PKIB: variants seen among roughly 807,000 people sequenced by gnomAD.
PKIB encodes the protein cAMP-dependent protein kinase inhibitor beta.
A neutral mutation model predicts 4.5 loss-of-function variants in PKIB; 2 were observed. The ratio of observed to expected loss-of-function variants is 0.44; its 90% confidence interval spans 0.18 to 1.39. The LOEUF (loss-of-function observed/expected upper bound fraction) is 1.39. Ranked by LOEUF, PKIB falls within the 40% of genes most tolerant of loss-of-function variation. PKIB has a pLI of 0.27. For missense variants in PKIB, 94 were observed against 92.6 expected, an observed-to-expected ratio of 1.02 and a Z score of -0.06; for synonymous variants, 38 against 36.0, an observed-to-expected ratio of 1.06 and a Z score of -0.20.
chr6:122,487,307 AAGTT>A (rs1447208197), intron 2 of PKIB, among the ~76,000 whole-genome samples: 2 of 152,092 alleles, frequency 1.3e-5, no homozygotes, highest in Non-Finnish European at 2.9e-5. Flanking sequence ...TGAAGAATGA[AAGTT>A]AGTTAAATTG....
intron 1 of PKIB, among the ~76,000 whole-genome samples, chr6:122,614,883 A>G (rs1208651051): frequency 6.6e-6 from 1 of 152,154 alleles, no homozygotes; most frequent in Non-Finnish European, 1.5e-5. Flanking sequence ...TATATTTTAA[A>G]ATGAAAATAA....
intron 2 of PKIB, among the ~76,000 whole-genome samples, chr6:122,667,566 G>T (rs1158186033): frequency 6.6e-6 from 1 of 151,990 alleles, no homozygotes; most frequent in Non-Finnish European, 1.5e-5. Context: ...AAAAATAAAA[G>T]TTGTAAGTGA....
At chr6:122,523,691 G>A (rs1777014508) in intron 2 of PKIB, among the ~76,000 whole-genome samples, 1 of 152,002 alleles carries the variant, frequency 6.6e-6, no homozygotes, top group African/African-American at 2.4e-5. Context: ...GCTGAGGTAG[G>A]AGAATTGCTT....
At chr6:122,511,618 G>A (rs1246946396) in intron 2 of PKIB, among the ~76,000 whole-genome samples, 2 of 152,178 alleles carry the variant, frequency 1.3e-5, no homozygotes, top group African/African-American at 2.4e-5. Flanking sequence ...CGGGTCAAGA[G>A]TTCTTTAAAA....
intron 2 of PKIB, chr6:122,483,097 G>A (rs1228029171): frequency 6.6e-5 from 10 of 150,746 alleles, no homozygotes; most frequent in Non-Finnish European, 4.5e-5. Flanking sequence ...ACCAGAACGT[G>A]GAGACTATTT....
At chr6:122,644,883 A>C (rs1478800926) in intron 2 of PKIB, 1 of 152,238 alleles carries the variant, frequency 6.6e-6, no homozygotes, top group Non-Finnish European at 1.5e-5. Context: ...CTGCTTTAAA[A>C]ACTAGCAAAA....
At chr6:122,578,125 G>A (rs1773602991) in intron 2 of PKIB, among the ~76,000 whole-genome samples, 1 of 151,888 alleles carries the variant, frequency 6.6e-6, no homozygotes, top group African/African-American at 2.4e-5. Flanking sequence ...TAAATTAGAA[G>A]GAAATGTAGA....
At chr6:122,606,519 C>T (rs977222408), upstream of PKIB, among the ~76,000 whole-genome samples, 1 of 143,430 alleles carries the variant, frequency 7.0e-6, no homozygotes, top group Non-Finnish European at 1.5e-5. Context: ...TTGCAGTGAG[C>T]AGAGATCGCG....
Position 122,725,903 on chromosome 6 carries a change from T to C in PKIB, c.*708T>C, listed in dbSNP as rs1179984694. Reference sequence around the variant, plus strand: ...TACTATCTTCCCTAACTTTGGTCTGTGTATGTGTGTGTGTTTTACTTTAAT... The same window carrying C: ...TACTATCTTCCCTAACTTTGGTCTGCGTATGTGTGTGTGTTTTACTTTAAT... On this transcript the variant is annotated 3_prime_UTR_variant, in exon 5 of 5. Transcript: ENST00000368452. The C allele has an allele frequency of 6.6e-6, 1 of 152,174 alleles. No homozygotes were observed. Among genetic ancestry groups the C allele is most frequent in the African/African-American group, 2.4e-5 (1 of 41,458 alleles). The allele number at this position is 152,174 out of a possible 1,614,324, so 9.4% of individuals were successfully genotyped here.
At chr6:122,698,280 T>C (rs894534519) in intron 3 of PKIB, among the ~76,000 whole-genome samples, 4 of 152,100 alleles carry the variant, frequency 2.6e-5, no homozygotes, top group African/African-American at 9.7e-5. Flanking sequence ...CCTAGCACCA[T>C]GGTTTTGGCA....
chr6:122,609,790 A>G (rs1299332392), upstream of PKIB, among the ~76,000 whole-genome samples: 2 of 152,234 alleles, frequency 1.3e-5, no homozygotes, highest in African/African-American at 4.8e-5. Context: ...TGAGAACCTG[A>G]AAGTGAAACT....
intron 3 of PKIB, among the ~76,000 whole-genome samples, chr6:122,704,732 G>GTA (rs1304317712): frequency 1.3e-5 from 2 of 151,454 alleles, no homozygotes; most frequent in African/African-American, 2.4e-5. Context: ...TAATAACTGT[G>GTA]TGTGTGTGTG....
intron 3 of PKIB, among the ~76,000 whole-genome samples, chr6:122,689,027 C>T (rs751005830): frequency 1.3e-5 from 2 of 151,950 alleles, no homozygotes; most frequent in Non-Finnish European, 2.9e-5. Context: ...GTGACCCGCC[C>T]ACCTCGGCCT....
At chr6:122,547,030 C>T (rs1309232553) in intron 2 of PKIB, among the ~76,000 whole-genome samples, 3 of 152,110 alleles carry the variant, frequency 2.0e-5, no homozygotes, top group African/African-American at 7.3e-5. Context: ...CAGCTTTAGA[C>T]TAGTGAATAA....
intron 2 of PKIB, among the ~76,000 whole-genome samples, chr6:122,516,077 A>C (rs76138045): frequency 6.6e-4 from 100 of 152,314 alleles, no homozygotes; most frequent in African/African-American, 2.4e-3. Flanking sequence ...AAAAGCTATA[A>C]TAACTAATGG....
rs148527232 is a variant in PKIB at position 122,548,311 on chromosome 6, A to G, written c.-247-37610A>G. Reference sequence around the variant, plus strand: ...AGGATTTTAAAAGCTTCTATAATTTAAGCAAGTGTATAGACTATCAGCAGC... The same window carrying G: ...AGGATTTTAAAAGCTTCTATAATTTGAGCAAGTGTATAGACTATCAGCAGC... On this transcript the variant is annotated intron_variant, in intron 2 of 6. Transcript: ENST00000392491. Among the ~76,000 whole-genome samples, 1,272 of 152,302 alleles carry G rather than the reference A, an allele frequency of 8.4e-3. 6 individuals carry two copies. The highest frequency in any genetic ancestry group is 0.014 in the South Asian group (69 of 4,826).
rs78894016 is a variant in PKIB at position 122,706,769 on chromosome 6, A to G, written c.-8-11018A>G. Among the ~76,000 whole-genome samples the G allele has an allele frequency of 1.2e-3, 181 of 152,306 alleles. 4 individuals are homozygous for G. In the East Asian group the frequency reaches 0.019, roughly 16 times the overall value. The stretch of plus-strand genomic sequence containing the variant: ...AACACATGCATATGCCATTTTTCAT[A>G]TCATAAAAATCTTCATTATAGAAAA... On this transcript the variant is annotated intron_variant, in intron 3 of 4. Transcript: ENST00000368452.
intron 2 of PKIB, among the ~76,000 whole-genome samples, chr6:122,659,008 C>A (rs1305594318): frequency 1.3e-5 from 2 of 151,632 alleles, no homozygotes; most frequent in African/African-American, 2.4e-5. Flanking sequence ...TATTATTAAT[C>A]AAAGCAACTT....
chr6:122,578,192 A>T (rs1453992098), intron 2 of PKIB, among the ~76,000 whole-genome samples: 1 of 152,124 alleles, frequency 6.6e-6, no homozygotes, highest in East Asian at 1.9e-4. Flanking sequence ...GAGGCTGGGA[A>T]CCATGGCTAA....
Sources: allele counts gnomAD v4.1 joint callset (sites outside exome capture counted in the v4.1 genomes callset), GRCh38; gene constraint gnomAD v4.1.1; transcripts MANE v1.5; gene names NCBI Gene and HGNC (gene_info 2026-07-23, HGNC 2026-07-21).